The following ADARB2 variants were observed in gnomAD, a reference collection of about 807,000 sequenced individuals.
ADARB2 encodes the protein inactive double-stranded RNA-specific editase B2.
A neutral mutation model predicts 62.2 loss-of-function variants in ADARB2; 25 were observed. The observed-to-expected ratio is 0.40, with a 90% CI of 0.29 to 0.56. ADARB2 has a LOEUF of 0.56. ADARB2 is among the 20% of genes least tolerant of loss of function. The pLI is 0.43. For synonymous variants in ADARB2, 572 were observed against 500.8 expected, an observed-to-expected ratio of 1.14 and a Z score of -1.90; for missense variants, 1,071 against 1,077.4, an observed-to-expected ratio of 0.99 and a Z score of 0.08.
intron 7 of ADARB2, among the ~76,000 whole-genome samples, chr10:1,207,051 G>A (rs188408394): frequency 6.6e-6 from 1 of 152,328 alleles, no homozygotes; most frequent in African/African-American, 2.4e-5. Context: ...CACTAGAGGT[G>A]TTATGTCACT....
At chr10:1,470,232 T>G (rs1377362005) in intron 1 of ADARB2, among the ~76,000 whole-genome samples, 1 of 152,076 alleles carries the variant, frequency 6.6e-6, no homozygotes. Flanking sequence ...ATCAGTCAGA[T>G]TAAAAAATAA....
chr10:1,398,722 C>T lies in ADARB2; in HGVS notation c.101-19562G>A, dbSNP rs969213689. 6.6e-6 allele frequency among the ~76,000 whole-genome samples: 1 copy of T among 152,200 alleles called. No homozygotes were observed. The highest frequency in any genetic ancestry group is 1.5e-5 in the Non-Finnish European group (1 of 68,036). ...TCAGCATAGATGGAGAAGAGACTTTCGTGCCTCTGACCCTCAAATTACCCA... is the reference window on the plus strand; with the variant it reads ...TCAGCATAGATGGAGAAGAGACTTTTGTGCCTCTGACCCTCAAATTACCCA... On this transcript the variant is annotated intron_variant, in intron 1 of 9. Transcript: ENST00000381312. This position sits in a 1 kb window ranked among gnomAD's most constrained non-coding sequence, Gnocchi z 4.1.
chr10:1,614,521 T>C (rs1311837656), intron 1 of ADARB2, among the ~76,000 whole-genome samples: 1 of 152,240 alleles, frequency 6.6e-6, no homozygotes, highest in Non-Finnish European at 1.5e-5. Context: ...ATTTTGTTGA[T>C]GAGTTCCCAT....
At chr10:1,563,965 A>AT (rs1311860794) in intron 1 of ADARB2, among the ~76,000 whole-genome samples, 1 of 149,628 alleles carries the variant, frequency 6.7e-6, no homozygotes, top group Non-Finnish European at 1.5e-5. Context: ...TGAACTCATC[A>AT]TTTTTTATGG....
chr10:1,363,229 G>T lies in ADARB2; in HGVS notation c.876C>A (p.Tyr292Ter). The stretch of plus-strand genomic sequence containing the variant: ...GCTCGGCCGGTTCTGCCAGACACAC[G>T]TAGCGCAGCCCGGCGCGCAGGCGGT... ...LLNRLRAGLR[Y>*]VCLAEPAERR... The change falls in exon 3 of 10, where the codon TAC (tyrosine) becomes TAA (stop). Residue 292 changes from tyrosine (Y) to a stop codon, truncating the protein, a stop_gained. Transcript: ENST00000381312. LOFTEE classifies it high-confidence loss of function. 1 of 1,423,594 alleles carries T rather than the reference G, an allele frequency of 7.0e-7. No individual in the cohort carries two copies. The highest frequency in any genetic ancestry group is 9.2e-7 in the Non-Finnish European group (1 of 1,087,580). The allele number at this position is 1,423,594 out of a possible 1,614,324, so 88.2% of individuals were successfully genotyped here.
Position 1,193,099 on chromosome 10 carries a change from G to A in ADARB2, c.1864+6867C>T, listed in dbSNP as rs1199000473. Among the ~76,000 whole-genome samples, 7 of 152,338 alleles carry A rather than the reference G, an allele frequency of 4.6e-5. No homozygotes were observed. In the East Asian group the frequency reaches 9.7e-4, roughly 21 times the overall value. On this transcript the variant is annotated intron_variant, in intron 8 of 9. Transcript: ENST00000381312. ...GGCAGGCATCTGCAGGGTGTGGAAC[G>A]GGCCACGCTGGCTGCACCGTCTGTG...
At chr10:1,337,669 G>C (rs527343475) in intron 3 of ADARB2, among the ~76,000 whole-genome samples, 2 of 152,102 alleles carry the variant, frequency 1.3e-5, no homozygotes, top group South Asian at 4.2e-4. Context: ...TGGGGCTGGA[G>C]TGCAGGGATT....
At chr10:1,332,901 A>G (rs1831942680) in intron 3 of ADARB2, among the ~76,000 whole-genome samples, 1 of 152,188 alleles carries the variant, frequency 6.6e-6, no homozygotes, top group South Asian at 2.1e-4. Context: ...CCCTCTCTCT[A>G]GATTTTGAGT....
At chr10:1,241,542 G>A (rs12252958) in intron 5 of ADARB2, among the ~76,000 whole-genome samples, 1,800 of 152,268 alleles carry the variant, frequency 0.012, 42 homozygotes, top group African/African-American at 0.041. Context: ...GGTGTGTCGC[G>A]GAGGCCACGT....
At position 1,431,434 on chromosome 10, in the gene ADARB2, G is replaced by C. The variant is rs563960192; in HGVS notation, c.101-52274C>G. ...ACAGTGTTAAGACGCAGCTAAAGCA[G>C]TACTGAGAGGGAAATTCATAGCACA... On this transcript the variant is annotated intron_variant, in intron 1 of 9. Transcript: ENST00000381312. 2.6e-5 allele frequency among the ~76,000 whole-genome samples: 4 copies of C among 152,280 alleles called. No individual in the cohort carries two copies. In the South Asian group the frequency reaches 8.3e-4, roughly 32 times the overall value.
chr10:1,447,446 G>T (rs939871364), intron 1 of ADARB2, among the ~76,000 whole-genome samples: 2 of 152,200 alleles, frequency 1.3e-5, no homozygotes, highest in African/African-American at 4.8e-5. Context: ...TGGCTGTAAA[G>T]GATGTCACTG....
intron 1 of ADARB2, among the ~76,000 whole-genome samples, chr10:1,698,818 G>A (rs560340996): frequency 1.3e-5 from 2 of 152,320 alleles, no homozygotes; most frequent in East Asian, 1.9e-4. Context: ...GGAATGCAAT[G>A]GCATTATCTT....
chr10:1,698,840 A>G (rs72766786), intron 1 of ADARB2, among the ~76,000 whole-genome samples: 1 of 152,166 alleles, frequency 6.6e-6, no homozygotes, highest in Admixed American at 6.5e-5. Context: ...GGTCACTGCA[A>G]CTTCTGCCTC....
chr10:1,364,672 G>A (rs1278051570), intron 2 of ADARB2, among the ~76,000 whole-genome samples: 1 of 152,160 alleles, frequency 6.6e-6, no homozygotes, highest in Non-Finnish European at 1.5e-5. Context: ...ACAATGATTT[G>A]CATAGCGTTT....
At chr10:1,685,041 G>T (rs1834582164) in intron 1 of ADARB2, among the ~76,000 whole-genome samples, 1 of 152,184 alleles carries the variant, frequency 6.6e-6, no homozygotes, top group Non-Finnish European at 1.5e-5. Context: ...GGTGGGGACT[G>T]TGGGATGAGG....
At chr10:1,432,814 G>A (rs996326576) in intron 1 of ADARB2, among the ~76,000 whole-genome samples, 4 of 152,046 alleles carry the variant, frequency 2.6e-5, no homozygotes, top group Non-Finnish European at 4.4e-5. Context: ...TCCTTGGGGA[G>A]ATGGTCACCT....
At chr10:1,376,865 AG>A (rs1284264970) in intron 2 of ADARB2, among the ~76,000 whole-genome samples, 1 of 1,900 alleles carries the variant, frequency 5.3e-4, no homozygotes, top group East Asian at 0.01. Context: ...TTGGTGGGGC[AG>A]GGGGGTGGGT....
intron 1 of ADARB2, among the ~76,000 whole-genome samples, chr10:1,619,216 T>TC (rs1833679467): frequency 6.7e-6 from 1 of 148,814 alleles, no homozygotes; most frequent in African/African-American, 2.5e-5. Flanking sequence ...TCAGATTAGA[T>TC]AAATAAGTAA....
chr10:1,510,110 C>CTCTTTCTTTCTTTCTTTCTTCTTTCTT (rs1831909144), intron 1 of ADARB2, among the ~76,000 whole-genome samples: 6 of 106,252 alleles, frequency 5.6e-5, no homozygotes, highest in African/African-American at 2.2e-4. Context: ...CTTTCTTTCT[C>CTCTTTCTTTCTTTCTTTCTTCTTTCTT]TCTTTCTTTC....
Sources: allele counts gnomAD v4.1 joint callset (sites outside exome capture counted in the v4.1 genomes callset), GRCh38; gene constraint gnomAD v4.1.1; non-coding constraint Gnocchi (gnomAD v3.1); transcripts MANE v1.5; gene names NCBI Gene and HGNC (gene_info 2026-07-23, HGNC 2026-07-21).